The following CSMD1 variants were observed in gnomAD, a reference collection of about 807,000 sequenced individuals.
CSMD1 encodes CUB and Sushi multiple domains 1, also known as CUB and sushi domain-containing protein 1.
A neutral mutation model predicts 417.5 loss-of-function variants in CSMD1; 213 were observed. That is an observed-to-expected ratio of 0.51 (90% CI 0.46 to 0.57). The LOEUF (loss-of-function observed/expected upper bound fraction) is 0.57, where lower values mean the gene tolerates loss of function less well. Among genes scored for constraint, CSMD1 ranks in the 20% least tolerant of loss-of-function variants. The pLI, the probability that CSMD1 is intolerant of heterozygous loss-of-function variation, is 0.00. For missense variants in CSMD1, 6,923 were observed against 4,529.7 expected (o/e 1.53, Z -15.17); for synonymous variants, 2,862 against 1,736.8 (o/e 1.65, Z -16.11).
intron 29 of CSMD1, among the ~76,000 whole-genome samples, chr8:3,217,619 A>G (rs1489087369): frequency 6.6e-6 from 1 of 152,212 alleles, no homozygotes; most frequent in Non-Finnish European, 1.5e-5. Context: ...CTAAATTATG[A>G]TGTGGCAAAG....
At chr8:3,146,428 C>T (rs1192863380) in intron 40 of CSMD1, among the ~76,000 whole-genome samples, 1 of 151,992 alleles carries the variant, frequency 6.6e-6, no homozygotes, top group Non-Finnish European at 1.5e-5. Context: ...AAATAATACC[C>T]TATTTCATGC....
chr8:4,305,225 G>A (rs749861792), intron 3 of CSMD1, among the ~76,000 whole-genome samples: 1 of 152,196 alleles, frequency 6.6e-6, no homozygotes, highest in Non-Finnish European at 1.5e-5. Context: ...AGGATGAAGT[G>A]CCAGCAAACT....
chr8:3,385,186 T>C (rs941618572), intron 18 of CSMD1, among the ~76,000 whole-genome samples: 3 of 143,394 alleles, frequency 2.1e-5, no homozygotes, highest in African/African-American at 7.6e-5. Context: ...TATAGAAGTC[T>C]AAATATATAA....
intron 3 of CSMD1, among the ~76,000 whole-genome samples, chr8:4,095,936 C>G (rs993626403): frequency 1.3e-5 from 2 of 152,044 alleles, no homozygotes; most frequent in African/African-American, 4.8e-5. Context: ...ATGTATCATT[C>G]CTAAAAAGAT....
intron 2 of CSMD1, among the ~76,000 whole-genome samples, chr8:4,556,959 T>C (rs561295623): frequency 6.6e-6 from 1 of 152,362 alleles, no homozygotes; most frequent in African/African-American, 2.4e-5. Context: ...GTATCTGCTT[T>C]ATGCTTCTTT....
chr8:3,399,923 T>C (rs1034026209), intron 15 of CSMD1, among the ~76,000 whole-genome samples: 10 of 152,234 alleles, frequency 6.6e-5, no homozygotes, highest in Non-Finnish European at 1.2e-4. Context: ...TCAAGATGGA[T>C]ACATATACAC....
chr8:3,545,197 G>A (rs546809377), intron 10 of CSMD1, among the ~76,000 whole-genome samples: 1 of 152,148 alleles, frequency 6.6e-6, no homozygotes, highest in Non-Finnish European at 1.5e-5. Flanking sequence ...GCAGGAGGTA[G>A]AATATTGTTT....
intron 11 of CSMD1, among the ~76,000 whole-genome samples, chr8:3,477,798 C>G (rs7844960): frequency 0.64 from 96,972 of 151,898 alleles, 31,757 homozygotes; most frequent in Middle Eastern, 0.76. Context: ...GTGAGTTACA[C>G]GTTCTCCACC....
intron 25 of CSMD1, among the ~76,000 whole-genome samples, chr8:3,284,879 C>A (rs74942540): frequency 0.073 from 11,180 of 152,228 alleles, 485 homozygotes; most frequent in South Asian, 0.15. Flanking sequence ...TATTTTAAAA[C>A]TTCATCATTT....
At chr8:4,059,479 C>G (rs1273240816) in intron 3 of CSMD1, among the ~76,000 whole-genome samples, 2 of 152,136 alleles carry the variant, frequency 1.3e-5, no homozygotes, top group Admixed American at 6.5e-5. Flanking sequence ...GCAAATAACC[C>G]TTCAAAAAAT....
intron 10 of CSMD1, among the ~76,000 whole-genome samples, chr8:3,505,744 T>C (rs10096345): frequency 0.1 from 15,939 of 152,224 alleles, 870 homozygotes; most frequent in Middle Eastern, 0.18. Flanking sequence ...TTCTGCTTAG[T>C]ATGTCTACTT....
At chr8:4,805,873 A>C (rs1170480011) in intron 1 of CSMD1, among the ~76,000 whole-genome samples, 1 of 152,138 alleles carries the variant, frequency 6.6e-6, no homozygotes, top group Non-Finnish European at 1.5e-5. Context: ...ATGCTAAATT[A>C]TTGTGAACGT....
intron 50 of CSMD1, among the ~76,000 whole-genome samples, chr8:3,048,647 A>T (rs1324158925): frequency 6.6e-6 from 1 of 152,210 alleles, no homozygotes; most frequent in Non-Finnish European, 1.5e-5. Flanking sequence ...ATAACATAGG[A>T]GAAAATTGTG....
At chr8:3,747,993 C>G (rs545027820) in intron 6 of CSMD1, among the ~76,000 whole-genome samples, 1 of 151,958 alleles carries the variant, frequency 6.6e-6, no homozygotes, top group Non-Finnish European at 1.5e-5. Flanking sequence ...CCAAGGTGGA[C>G]GTGATTATTT....
intron 3 of CSMD1, among the ~76,000 whole-genome samples, chr8:4,325,693 C>T (rs1446156443): frequency 1.3e-5 from 2 of 152,006 alleles, no homozygotes; most frequent in Admixed American, 1.3e-4. Context: ...AAGCGAGATG[C>T]AGGATAAAAC....
Position 4,727,821 on chromosome 8 carries a change from T to G in CSMD1, c.86-90263A>C, listed in dbSNP as rs1286218634. ...ATATATGTTTGGTACATGTATATGT[T>G]TGGGATATATATATCTATTATATAT... On this transcript the variant is annotated intron_variant, in intron 1 of 69. Coordinates refer to ENST00000635120, the MANE Select transcript of CSMD1 (RefSeq NM_033225.6). 2.5e-4 allele frequency among the ~76,000 whole-genome samples: 38 copies of G among 150,628 alleles called. 1 individual carries two copies. Among genetic ancestry groups the G allele is most frequent in the Admixed American group, 2.0e-3 (30 of 15,002 alleles).
intron 11 of CSMD1, among the ~76,000 whole-genome samples, chr8:3,477,227 T>C (rs192971604): frequency 2.0e-5 from 3 of 152,362 alleles, no homozygotes; most frequent in Non-Finnish European, 4.4e-5. Context: ...CTGGATTTTA[T>C]GGGTATGTAC....
chr8:3,764,046 A>G (rs935590297), intron 5 of CSMD1, among the ~76,000 whole-genome samples: 1 of 152,256 alleles, frequency 6.6e-6, no homozygotes, highest in East Asian at 1.9e-4. Context: ...CCCTTGTTTC[A>G]GGATTTCTGG....
At chr8:4,731,136 G>A (rs935277980) in intron 1 of CSMD1, among the ~76,000 whole-genome samples, 3 of 152,190 alleles carry the variant, frequency 2.0e-5, no homozygotes, top group Non-Finnish European at 4.4e-5. Flanking sequence ...CCATGAGATG[G>A]CTTCGAGTAG....
Sources: gnomAD v4.1 joint callset for allele counts (sites outside exome capture counted in the v4.1 genomes callset) on GRCh38, gnomAD v4.1.1 for gene constraint, MANE v1.5 for transcripts, NCBI Gene and HGNC (gene_info 2026-07-23, HGNC 2026-07-21) for gene names.